Variants in FOXP2 observed in about 807,000 individuals in gnomAD.
The protein encoded by FOXP2 is forkhead box protein P2.
A neutral mutation model predicts 115.8 loss-of-function variants in FOXP2; 12 were observed. That is an observed-to-expected ratio of 0.10 (90% CI 0.07 to 0.17). The LOEUF is 0.17. Among genes scored for constraint, FOXP2 ranks in the 10% least tolerant of loss-of-function variants. The pLI is 1.00. For synonymous variants in FOXP2, 328 were observed against 297.7 expected, an observed-to-expected ratio of 1.10 and a Z score of -1.05; for missense variants, 629 against 843.5, an observed-to-expected ratio of 0.75 and a Z score of 3.15.
intron 2 of FOXP2, among the ~76,000 whole-genome samples, chr7:114,309,025 C>G (rs1337028838): frequency 6.6e-6 from 1 of 152,140 alleles, no homozygotes; most frequent in Non-Finnish European, 1.5e-5. Flanking sequence ...GAGGTACTAT[C>G]TAATCTTTTC....
intron 3 of FOXP2, among the ~76,000 whole-genome samples, chr7:114,555,019 A>G (rs2129288813): frequency 6.6e-6 from 1 of 152,324 alleles, no homozygotes; most frequent in East Asian, 1.9e-4. Flanking sequence ...GACTAGGGCC[A>G]GCGAAAAAGA....
chr7:114,570,153 TA>T (rs1471771868), intron 3 of FOXP2, among the ~76,000 whole-genome samples: 1 of 152,044 alleles, frequency 6.6e-6, no homozygotes, highest in African/African-American at 2.4e-5. Context: ...CTTTTACAGA[TA>T]AAAATGCAAA....
intron 3 of FOXP2, chr7:114,570,756 G>A (rs1204151569): frequency 7.6e-7 from 1 of 1,321,988 alleles, no homozygotes; most frequent in Non-Finnish European, 1.1e-6. Flanking sequence ...ATTAGCACAA[G>A]CCTTAAGATT....
chr7:114,550,588 T>C (rs7784315), intron 3 of FOXP2, among the ~76,000 whole-genome samples: 26,163 of 152,076 alleles, frequency 0.17, 2,705 homozygotes, highest in African/African-American at 0.29. Flanking sequence ...TGCTAGAACA[T>C]TGAAGTTATT....
chr7:114,596,852 GCA>G (rs1346161810), intron 3 of FOXP2, among the ~76,000 whole-genome samples: 2 of 152,014 alleles, frequency 1.3e-5, no homozygotes, highest in African/African-American at 4.8e-5. Flanking sequence ...TATCCTAGGA[GCA>G]CAGTCTTGTC....
intron 1 of FOXP2, among the ~76,000 whole-genome samples, chr7:114,167,732 C>T (rs375531133): frequency 1.4e-4 from 21 of 151,966 alleles, no homozygotes; most frequent in South Asian, 8.3e-4. Context: ...GTCAGGAGAT[C>T]GAGACCATCC....
At chr7:114,189,104 C>T (rs1213762801) in intron 1 of FOXP2, among the ~76,000 whole-genome samples, 1 of 152,150 alleles carries the variant, frequency 6.6e-6, no homozygotes. Flanking sequence ...AACTTCCTTT[C>T]ATCTGCTACA....
intron 11 of FOXP2, among the ~76,000 whole-genome samples, chr7:114,659,009 C>T (rs904045147): frequency 3.3e-5 from 5 of 151,974 alleles, no homozygotes; most frequent in Admixed American, 6.6e-5. Context: ...TACTTTAAGA[C>T]GTATTAGATG....
At chr7:114,238,520 C>A (rs1335615111) in intron 1 of FOXP2, among the ~76,000 whole-genome samples, 2 of 152,190 alleles carry the variant, frequency 1.3e-5, no homozygotes, top group African/African-American at 2.4e-5. Flanking sequence ...CGCCTGCAGT[C>A]CCAAAGATTT....
chr7:114,557,905 G>T (rs1800546594), intron 3 of FOXP2, among the ~76,000 whole-genome samples: 1 of 151,936 alleles, frequency 6.6e-6, no homozygotes. Flanking sequence ...TGCCTCCCGG[G>T]TTCAAGCAGT....
chr7:114,138,892 A>C (rs1357769839), intron 1 of FOXP2, among the ~76,000 whole-genome samples: 5 of 152,198 alleles, frequency 3.3e-5, no homozygotes, highest in African/African-American at 1.2e-4. Flanking sequence ...AAAAAGGGAC[A>C]TTAGGTAAAA....
chr7:114,174,477 T>C (rs1460438093), intron 1 of FOXP2, among the ~76,000 whole-genome samples: 1 of 152,066 alleles, frequency 6.6e-6, no homozygotes, highest in Non-Finnish European at 1.5e-5. Context: ...TGATAGATAT[T>C]TATGTTTCTT....
upstream of FOXP2, among the ~76,000 whole-genome samples, chr7:114,412,580 T>A (rs1451687611): frequency 6.6e-6 from 1 of 152,174 alleles, no homozygotes; most frequent in Non-Finnish European, 1.5e-5. Flanking sequence ...ATGTGCTTAG[T>A]GAAGCTTGCT....
intron 3 of FOXP2, among the ~76,000 whole-genome samples, chr7:114,607,940 G>A (rs1803420106): frequency 6.6e-6 from 1 of 152,150 alleles, no homozygotes; most frequent in Non-Finnish European, 1.5e-5. Context: ...TATACAGGTG[G>A]GGGAAGGAGG....
At chr7:114,353,058 T>C (rs1430437991) in intron 2 of FOXP2, among the ~76,000 whole-genome samples, 1 of 152,094 alleles carries the variant, frequency 6.6e-6, no homozygotes, top group East Asian at 1.9e-4. Context: ...GGATAGGTTT[T>C]CTTCATAGAC....
At chr7:114,632,491 T>C (rs1260961804) in intron 6 of FOXP2, among the ~76,000 whole-genome samples, 3 of 152,190 alleles carry the variant, frequency 2.0e-5, no homozygotes, top group Non-Finnish European at 4.4e-5. Flanking sequence ...TAAAGGGATA[T>C]TCTAACTTGC....
intron 2 of FOXP2, among the ~76,000 whole-genome samples, chr7:114,336,466 C>T (rs1485760569): frequency 6.6e-6 from 1 of 151,338 alleles, no homozygotes; most frequent in African/African-American, 2.4e-5. Flanking sequence ...ATATATTATT[C>T]TATGTAATCA....
chr7:114,194,715 TG>T (rs1793857545), intron 1 of FOXP2, among the ~76,000 whole-genome samples: 1 of 152,232 alleles, frequency 6.6e-6, no homozygotes, highest in South Asian at 2.1e-4. Context: ...CAAATTTAGT[TG>T]TCTTTCATTT....
At chr7:114,687,459 T>C (rs1344588405) in intron 16 of FOXP2, among the ~76,000 whole-genome samples, 1 of 152,194 alleles carries the variant, frequency 6.6e-6, no homozygotes, top group East Asian at 1.9e-4. Context: ...CATTAAATAC[T>C]AAATGACTCA....
Sources: allele counts gnomAD v4.1 joint callset (sites outside exome capture counted in the v4.1 genomes callset), GRCh38; gene constraint gnomAD v4.1.1; transcripts MANE v1.5; gene names NCBI Gene and HGNC (gene_info 2026-07-23, HGNC 2026-07-21).